The following SLC6A12 variants were observed in gnomAD, a reference collection of about 807,000 sequenced individuals.
The protein encoded by SLC6A12 is sodium- and chloride-dependent betaine transporter.
SLC6A12 carries 50 observed loss-of-function variants against 73.3 expected under a neutral mutation model. The ratio of observed to expected loss-of-function variants is 0.68; its 90% CI spans 0.54 to 0.86. SLC6A12 has a LOEUF of 0.86. Ranked by LOEUF, SLC6A12 falls within the 40% of genes least tolerant of loss-of-function variation. The probability of loss-of-function intolerance (pLI) is 0.00; values close to 1 mark genes in which losing one functional copy is unlikely to be tolerated. For missense variants in SLC6A12, 648 were observed against 772.8 expected, an observed-to-expected ratio of 0.84 and a Z score of 1.92; for synonymous variants, 304 against 309.2, an observed-to-expected ratio of 0.98 and a Z score of 0.18.
chr12:195,905 C>G (rs1267185026), intron 12 of SLC6A12, among the ~76,000 whole-genome samples: 1 of 152,186 alleles, frequency 6.6e-6, no homozygotes, highest in East Asian at 1.9e-4. Context: ...CAATACATTC[C>G]CCTTTCTGCT....
chr12:187,605 A>ACCC (rs1939456527), downstream of SLC6A12, among the ~76,000 whole-genome samples: 1 of 15,858 alleles, frequency 6.3e-5, no homozygotes, highest in Non-Finnish European at 3.2e-4. Flanking sequence ...AAAAAAAAAA[A>ACCC]AAAAAAAAAA....
downstream of SLC6A12, among the ~76,000 whole-genome samples, chr12:187,533 CAT>C (rs1176271489): frequency 1.5e-5 from 2 of 134,506 alleles, no homozygotes; most frequent in East Asian, 4.8e-4. Context: ...TGTTACACCT[CAT>C]AAAGGCAGAG....
At chr12:185,735 G>A (rs1339740146), downstream of SLC6A12, among the ~76,000 whole-genome samples, 1 of 152,148 alleles carries the variant, frequency 6.6e-6, no homozygotes, top group Non-Finnish European at 1.5e-5. Context: ...AGACCTGACA[G>A]GCCATCTGCC....
At chr12:187,639 CACACACAGCACCCACT>C (rs1939460749), downstream of SLC6A12, among the ~76,000 whole-genome samples, 1 of 122,438 alleles carries the variant, frequency 8.2e-6, no homozygotes, top group Admixed American at 8.1e-5. Context: ...AAACAAACCA[CACACACAGCACCCACT>C]GCACACAACG....
In SLC6A12 at chr12:195,207, C is replaced by T; in HGVS notation, c.1429+18G>A. The T allele has an allele frequency of 6.6e-7, 1 of 1,523,704 alleles. No homozygotes were observed. Among genetic ancestry groups the T allele is most frequent in the Non-Finnish European group, 9.1e-7 (1 of 1,098,150 alleles). The allele number at this position is 1,523,704 out of a possible 1,614,324, so 94.4% of individuals were successfully genotyped here. A position where few individuals can be genotyped will look rare whatever the true frequency, so the allele number is the denominator to read the frequency against. Reference sequence around the variant, plus strand: ...CTTTCTCCCACCCTGCTTTCCCACCCCACTCCACCCCACTCACCATACACC... The same window carrying T: ...CTTTCTCCCACCCTGCTTTCCCACCTCACTCCACCCCACTCACCATACACC... On this transcript the variant is annotated intron_variant, in intron 13 of 15. Coordinates refer to ENST00000684302, the MANE Select transcript of SLC6A12 (RefSeq NM_001122848.3).
At position 203,190 on chromosome 12, in the gene SLC6A12, C is replaced by T. The variant is rs188729777; in HGVS notation, c.350-310G>A. ...CAAGCGATCCTCCCACCTCAGCCTC[C>T]GGAGTAGCTGGGACCACAGACAGAC... On this transcript the variant is annotated intron_variant, in intron 4 of 15. Coordinates refer to ENST00000684302, the MANE Select transcript of SLC6A12 (RefSeq NM_001122848.3). 711 of 199,518 alleles carry T rather than the reference C, an allele frequency of 3.6e-3. 1 individual carries two copies. Among genetic ancestry groups the T allele is most frequent in the Non-Finnish European group, 5.8e-3 (583 of 100,146 alleles). The allele number at this position is 199,518 out of a possible 1,614,324, so 12.4% of individuals were successfully genotyped here.
chr12:210,481 A>C, intron 2 of SLC6A12: 3 of 814,454 alleles, frequency 3.7e-6, no homozygotes, highest in Non-Finnish European at 4.5e-6. Context: ...GTGTGGCCGA[A>C]GTGACTGCAT....
chr12:212,236 G>T (rs1591810225), intron 1 of SLC6A12, 126 bp from the exon 2 acceptor site: 1 of 152,234 alleles, frequency 6.6e-6, no homozygotes, highest in African/African-American at 2.4e-5. Flanking sequence ...TAATCCCAGG[G>T]CGAGCCCCAA....
At chr12:199,770 C>T (rs1176800526) in intron 7 of SLC6A12, 2 of 152,134 alleles carry the variant, frequency 1.3e-5, no homozygotes, top group African/African-American at 4.8e-5. Context: ...ATGCTCAAAT[C>T]TGAATTCTGT....
chr12:189,180 G>C (rs977518800), downstream of SLC6A12, among the ~76,000 whole-genome samples: 2 of 152,144 alleles, frequency 1.3e-5, no homozygotes, highest in Non-Finnish European at 2.9e-5. Context: ...TACTGGACTA[G>C]CTGCGGGCAG....
chr12:197,433 A>G lies in SLC6A12; in HGVS notation c.1019T>C (p.Ile340Thr), dbSNP rs1316146122. ...SFVAGFVVFS[I>T]LGFMSQEQGV... is the part of the protein sequence containing the mutation. ...TTGCTCTTGGGACATGAAGCCCAGGATGGAGAAGACAACAAACCCAGCCAC... is the reference window on the plus strand; with the variant it reads ...TTGCTCTTGGGACATGAAGCCCAGGGTGGAGAAGACAACAAACCCAGCCAC... Residue 340 changes from isoleucine (I) to threonine (T), a missense_variant, in exon 10 of 16, where the codon ATC (isoleucine) becomes ACC (threonine). Coordinates refer to ENST00000684302, the MANE Select transcript of SLC6A12 (RefSeq NM_001122848.3). The G allele has an allele frequency of 6.2e-7, 1 of 1,613,990 alleles. No individual in the cohort carries two copies. Among genetic ancestry groups the G allele is most frequent in the Non-Finnish European group, 8.5e-7 (1 of 1,179,936 alleles).
At chr12:187,633 A>AGC (rs1939460160), downstream of SLC6A12, among the ~76,000 whole-genome samples, 1 of 43,908 alleles carries the variant, frequency 2.3e-5, no homozygotes. Flanking sequence ...AAAAAAAAAC[A>AGC]AACCACACAC....
chr12:191,337 G>T, intron 15 of SLC6A12, 126 bp from the exon 16 acceptor site: 1 of 723,860 alleles, frequency 1.4e-6, no homozygotes. Context: ...GTATGAGTGA[G>T]TCAATGAATG....
At chr12:187,350 G>C (rs944242803), downstream of SLC6A12, among the ~76,000 whole-genome samples, 1 of 151,964 alleles carries the variant, frequency 6.6e-6, no homozygotes. Flanking sequence ...AGATGTGTTC[G>C]GAGTTTTTTC....
rs1939557167 is a variant in SLC6A12 at position 190,752 on chromosome 12, T to C, written c.*316A>G. On this transcript the variant is annotated 3_prime_UTR_variant, in exon 16 of 16. Transcript: ENST00000684302. Reference sequence around the variant, plus strand: ...AACAAGAGGCATCCCCACAGTGGAATCCTCATAACTCGAGGTGTTGCAATC... The same window carrying C: ...AACAAGAGGCATCCCCACAGTGGAACCCTCATAACTCGAGGTGTTGCAATC... The C allele has an allele frequency of 4.8e-6, 1 of 208,214 alleles. No individual in the cohort carries two copies. Among genetic ancestry groups the C allele is most frequent in the South Asian group, 1.9e-4 (1 of 5,292 alleles). The allele number at this position is 208,214 out of a possible 1,614,324, so 12.9% of individuals were successfully genotyped here.
chr12:200,608 T>C (rs1446141592), intron 7 of SLC6A12, 43 bp downstream of exon 7: 3 of 1,604,860 alleles, frequency 1.9e-6, no homozygotes, highest in Middle Eastern at 1.7e-4. Context: ...CCCCGTAGAC[T>C]CTGGGGGCCA....
intron 6 of SLC6A12, 111 bp from the exon 7 acceptor site, chr12:200,894 G>T: frequency 8.4e-7 from 1 of 1,193,222 alleles, no homozygotes. Context: ...TCATATTCCA[G>T]GGCTTCCCCC....
At position 200,194 on chromosome 12, in the gene SLC6A12, C is replaced by T. The variant is rs540370840; in HGVS notation, c.711+457G>A. On this transcript the variant is annotated intron_variant, in intron 7 of 15. Transcript: ENST00000684302. ...CGCTATCTCGGCTCACTGCAAGCTC[C>T]GCCTCCCGGGTTCACGCCATTCTCC... Among the ~76,000 whole-genome samples the T allele has an allele frequency of 6.6e-5, 10 of 150,614 alleles. No homozygotes were observed. The East Asian group carries it at 7.8e-4, about 12-fold the overall frequency.
rs1274023674 is a variant in SLC6A12 at position 196,266 on chromosome 12, G to A, written c.1189-5C>T. On this transcript the variant is annotated splice_polypyrimidine_tract_variant and splice_region_variant and intron_variant, in intron 11 of 15. Coordinates refer to ENST00000684302, the MANE Select transcript of SLC6A12 (RefSeq NM_001122848.3). ...CAGGCACTCCACACAGACAAACTGTGGGCCAGGAGGGGAACTGGATGAGAG... is the reference window on the plus strand; with the variant it reads ...CAGGCACTCCACACAGACAAACTGTAGGCCAGGAGGGGAACTGGATGAGAG... 6.2e-7 allele frequency: 1 copy of A among 1,607,472 alleles called. No individual in the cohort carries two copies. Among genetic ancestry groups the A allele is most frequent in the South Asian group, 1.1e-5 (1 of 89,056 alleles).
Sources: allele counts gnomAD v4.1 joint callset (sites outside exome capture counted in the v4.1 genomes callset), GRCh38; gene constraint gnomAD v4.1.1; transcripts MANE v1.5; gene names NCBI Gene and HGNC (gene_info 2026-07-23, HGNC 2026-07-21).